The following PLCB1 variants were observed in gnomAD, a reference collection of about 807,000 sequenced individuals.
The protein encoded by PLCB1 is phospholipase C beta 1.
PLCB1 carries 46 observed loss-of-function variants against 161.8 expected under a neutral mutation model. The observed-to-expected ratio is 0.28, with a 90% CI of 0.22 to 0.36. PLCB1 has a LOEUF of 0.36. PLCB1 is among the 10% of genes least tolerant of loss of function. The pLI is 1.00. For missense variants in PLCB1, 1,016 were observed against 1,472.5 expected, an observed-to-expected ratio of 0.69 and a Z score of 5.07; for synonymous variants, 517 against 503.7, an observed-to-expected ratio of 1.03 and a Z score of -0.35.
intron 2 of PLCB1, among the ~76,000 whole-genome samples, chr20:8,153,165 G>A (rs1320803108): frequency 6.6e-6 from 1 of 152,176 alleles, no homozygotes; most frequent in Non-Finnish European, 1.5e-5. Flanking sequence ...ATGTGCTTTA[G>A]TGAAACACTG....
At chr20:8,460,305 C>T (rs1039901791) in intron 3 of PLCB1, among the ~76,000 whole-genome samples, 2 of 152,138 alleles carry the variant, frequency 1.3e-5, no homozygotes, top group African/African-American at 2.4e-5. Context: ...GGAAGCCATC[C>T]GCTTATACCT....
chr20:8,273,928 A>T (rs8183394), intron 2 of PLCB1, among the ~76,000 whole-genome samples: 16,354 of 152,230 alleles, frequency 0.11, 1,033 homozygotes, highest in East Asian at 0.18. Context: ...ACAATAGTTC[A>T]TAGAACTAAT....
At chr20:8,633,485 A>G (rs928787459) in intron 4 of PLCB1, among the ~76,000 whole-genome samples, 1 of 152,110 alleles carries the variant, frequency 6.6e-6, no homozygotes, top group Non-Finnish European at 1.5e-5. Flanking sequence ...TTAAAAAGTC[A>G]TCATACTTTT....
intron 2 of PLCB1, among the ~76,000 whole-genome samples, chr20:8,318,657 T>C (rs1230348843): frequency 6.6e-6 from 1 of 152,196 alleles, no homozygotes; most frequent in African/African-American, 2.4e-5. Flanking sequence ...GGGCACTGTA[T>C]TTCATTCTGT....
At chr20:8,806,316 C>T (rs1379430289) in intron 31 of PLCB1, among the ~76,000 whole-genome samples, 1 of 152,016 alleles carries the variant, frequency 6.6e-6, no homozygotes, top group Non-Finnish European at 1.5e-5. Flanking sequence ...ACACCTGAGG[C>T]ACAGTGTGGC....
chr20:8,161,865 C>A (rs2051628663), intron 2 of PLCB1, among the ~76,000 whole-genome samples: 1 of 151,442 alleles, frequency 6.6e-6, no homozygotes, highest in East Asian at 1.9e-4. Context: ...GCTGACCTTA[C>A]AAATTAATTC....
chr20:8,243,365 G>T (rs1400316380), intron 2 of PLCB1, among the ~76,000 whole-genome samples: 1 of 151,964 alleles, frequency 6.6e-6, no homozygotes, highest in Non-Finnish European at 1.5e-5. Context: ...TTTCCTTCTT[G>T]TACTAATAGG....
intron 2 of PLCB1, among the ~76,000 whole-genome samples, chr20:8,269,611 AT>A (rs1442279743): frequency 6.6e-6 from 1 of 151,644 alleles, no homozygotes; most frequent in East Asian, 1.9e-4. Context: ...CTTGTTTCCT[AT>A]TTTTTTTGAA....
intron 2 of PLCB1, among the ~76,000 whole-genome samples, chr20:8,359,695 A>G (rs1034148876): frequency 6.6e-6 from 1 of 152,184 alleles, no homozygotes; most frequent in Non-Finnish European, 1.5e-5. Context: ...CCTGATTAAG[A>G]TGACATAAGA....
chr20:8,741,346 G>T, intron 22 of PLCB1, 118 bp from the exon 23 acceptor site: 1 of 647,236 alleles, frequency 1.5e-6, no homozygotes, highest in Non-Finnish European at 2.8e-6. Flanking sequence ...TGGATGGGTG[G>T]GTAGATGGGT....
At chr20:8,457,714 GCACA>G (rs145581916) in intron 3 of PLCB1, among the ~76,000 whole-genome samples, 13,010 of 145,778 alleles carry the variant, frequency 0.089, 666 homozygotes, top group Middle Eastern at 0.15. Context: ...ATGTGTGCGC[GCACA>G]CACACACACA....
At chr20:8,199,877 A>C (rs1221135070) in intron 2 of PLCB1, among the ~76,000 whole-genome samples, 2 of 152,158 alleles carry the variant, frequency 1.3e-5, no homozygotes, top group Non-Finnish European at 2.9e-5. Flanking sequence ...TCCTCATAAA[A>C]TTATTTAAGG....
intron 27 of PLCB1, 84 bp from the exon 28 acceptor site, chr20:8,788,365 A>G: frequency 1.6e-6 from 2 of 1,234,570 alleles, no homozygotes; most frequent in South Asian, 1.4e-5. Context: ...TATTCTAACT[A>G]TAGATTCTGT....
At chr20:8,528,157 A>G (rs1984657191) in intron 3 of PLCB1, among the ~76,000 whole-genome samples, 1 of 152,064 alleles carries the variant, frequency 6.6e-6, no homozygotes, top group East Asian at 1.9e-4. Flanking sequence ...AAAACTAAAC[A>G]TACCTCAGCC....
chr20:8,366,826 C>T (rs1441654349), intron 2 of PLCB1, among the ~76,000 whole-genome samples: 4 of 151,832 alleles, frequency 2.6e-5, no homozygotes, highest in Non-Finnish European at 4.4e-5. Context: ...TTAATGATTC[C>T]GGTAGGTTAT....
intron 4 of PLCB1, 162 bp downstream of exon 4, chr20:8,628,593 C>T: frequency 4.5e-6 from 3 of 660,162 alleles, no homozygotes; most frequent in East Asian, 5.5e-5. Context: ...TAAAATACTT[C>T]TAAATAATGG....
chr20:8,727,624 C>T (rs970051441), intron 17 of PLCB1, among the ~76,000 whole-genome samples: 1 of 152,074 alleles, frequency 6.6e-6, no homozygotes, highest in South Asian at 2.1e-4. Flanking sequence ...GTTGCCTTCA[C>T]ACCACCAAGC....
intron 31 of PLCB1, among the ~76,000 whole-genome samples, chr20:8,852,419 CT>C (rs1367103719): frequency 6.6e-6 from 1 of 152,182 alleles, no homozygotes; most frequent in Non-Finnish European, 1.5e-5. Context: ...TACCTTATTC[CT>C]GATATTCCAG....
intron 31 of PLCB1, among the ~76,000 whole-genome samples, chr20:8,790,590 GTAC>G (rs761177732): frequency 2.6e-5 from 4 of 152,132 alleles, no homozygotes; most frequent in Admixed American, 6.6e-5. Context: ...TTCAGTTTGG[GTAC>G]TACTAAGTAA....
Sources: allele counts gnomAD v4.1 joint callset (sites outside exome capture counted in the v4.1 genomes callset), GRCh38; gene constraint gnomAD v4.1.1; transcripts MANE v1.5; gene names NCBI Gene and HGNC (gene_info 2026-07-23, HGNC 2026-07-21).